FAR1: variants seen among roughly 807,000 people sequenced by gnomAD.
FAR1 encodes fatty acyl-CoA reductase 1.
Under a neutral mutation model 61.1 loss-of-function variants are expected in FAR1, and 22 were observed. The ratio of observed to expected loss-of-function variants is 0.36; its 90% CI spans 0.26 to 0.51. The LOEUF is 0.51. FAR1 is among the 20% of genes least tolerant of loss of function. FAR1 has a pLI of 0.95. For synonymous variants in FAR1, 206 were observed against 209.7 expected (o/e 0.98, Z 0.15); for missense variants, 359 against 626.9 (o/e 0.57, Z 4.56).
chr11:13,676,888 G>A (rs933340287), intron 1 of FAR1, among the ~76,000 whole-genome samples: 4 of 152,160 alleles, frequency 2.6e-5, no homozygotes, highest in African/African-American at 9.7e-5. Context: ...CCAATACATA[G>A]TAGTAAAAAT....
rs1848210989 is a variant in FAR1, at chr11:13,688,198, T to C, written c.-7-6561T>C. On this transcript the variant is annotated intron_variant, in intron 1 of 11. Coordinates refer to ENST00000354817, the MANE Select transcript of FAR1 (RefSeq NM_032228.6). ...GCAGCAAAAAAAAATATATATTTAG[T>C]GCTTGTGAAGTTTTTGGTGGCATTA... Among the ~76,000 whole-genome samples the C allele has an allele frequency of 1.3e-5, 2 of 151,930 alleles. 1 individual carries two copies. Among genetic ancestry groups the C allele is most frequent in the South Asian group, 4.2e-4 (2 of 4,816 alleles).
At chr11:13,678,909 G>C (rs544538945) in intron 1 of FAR1, among the ~76,000 whole-genome samples, 33 of 152,236 alleles carry the variant, frequency 2.2e-4, no homozygotes, top group African/African-American at 7.7e-4. Context: ...ATAAGAAAGT[G>C]ACACAAGAAA....
chr11:13,710,083 TTTG>T, intron 4 of FAR1, among the ~76,000 whole-genome samples: 1 of 152,214 alleles, frequency 6.6e-6, no homozygotes, highest in East Asian at 1.9e-4. Flanking sequence ...CATCATAGCA[TTTG>T]TTAATCTCAT....
intron 1 of FAR1, among the ~76,000 whole-genome samples, chr11:13,688,390 C>T (rs968146385): frequency 3.3e-5 from 5 of 152,080 alleles, no homozygotes; most frequent in Admixed American, 3.3e-4. Context: ...TTAAGCCTAA[C>T]AGAATATTTA....
intron 2 of FAR1, among the ~76,000 whole-genome samples, chr11:13,699,598 T>C (rs1848347784): frequency 6.6e-6 from 1 of 152,200 alleles, no homozygotes; most frequent in African/African-American, 2.4e-5. Flanking sequence ...AGTGTTTCTC[T>C]GTCAAATCTG....
intron 3 of FAR1, among the ~76,000 whole-genome samples, chr11:13,702,331 A>G (rs1310629433): frequency 1.3e-5 from 2 of 152,140 alleles, no homozygotes; most frequent in Non-Finnish European, 2.9e-5. Flanking sequence ...TTTTTCTACT[A>G]TGAACATGTG....
chr11:13,699,471 G>A (rs776731861), intron 2 of FAR1, among the ~76,000 whole-genome samples: 2 of 152,200 alleles, frequency 1.3e-5, no homozygotes, highest in Non-Finnish European at 2.9e-5. Context: ...ATGTGGAAGT[G>A]AGCACTGATA....
chr11:13,673,695 C>G (rs1848035217), intron 1 of FAR1, among the ~76,000 whole-genome samples: 1 of 152,158 alleles, frequency 6.6e-6, no homozygotes, highest in Non-Finnish European at 1.5e-5. Flanking sequence ...CTTATATTTT[C>G]TTGCTTTAGA....
At chr11:13,694,653 CT>C (rs1482789294) in intron 1 of FAR1, 105 bp from the exon 2 acceptor site, 29 of 974,508 alleles carry the variant, frequency 3.0e-5, no homozygotes, top group Non-Finnish European at 4.2e-5. Flanking sequence ...TCTATTTTGA[CT>C]TTTGTCTGCT....
rs1032301996 is a variant in FAR1, at chr11:13,729,003, A to C, written c.*229A>C. On this transcript the variant is annotated 3_prime_UTR_variant, in exon 12 of 12. Coordinates refer to ENST00000354817, the MANE Select transcript of FAR1 (RefSeq NM_032228.6). ...ATCTACAGTAGCCACCAAAACCATG[A>C]CTTAATATTTTGAGCCCTAGAAGAA... The C allele has an allele frequency of 2.7e-6, 1 of 375,316 alleles. No homozygotes were observed. Among genetic ancestry groups the C allele is most frequent in the Non-Finnish European group, 4.9e-6 (1 of 204,502 alleles). 23.2% of individuals were successfully genotyped at this position (375,316 alleles called of 1,614,324 possible).
rs112837375 is a variant in FAR1 at position 13,728,491 on chromosome 11, A to G, written c.1386-121A>G. ...ACCTACAGTATACTTAATGCCTATCATAAGTTTCAAATTAATATGGATTTG... is the reference window on the plus strand; with the variant it reads ...ACCTACAGTATACTTAATGCCTATCGTAAGTTTCAAATTAATATGGATTTG... On this transcript the variant is annotated intron_variant, in intron 11 of 11. Coordinates refer to ENST00000354817, the MANE Select transcript of FAR1 (RefSeq NM_032228.6). 7 of 888,620 alleles carry G rather than the reference A, an allele frequency of 7.9e-6. No homozygotes were observed. In the African/African-American group the frequency reaches 8.4e-5, roughly 11 times the overall value. 55.0% of individuals were successfully genotyped at this position (888,620 alleles called of 1,614,324 possible).
Position 13,728,933 on chromosome 11 carries a change from T to A in FAR1, c.*159T>A. Reference sequence around the variant, plus strand: ...ATATTTTATGTAACATTTTAATGTTTATGCTCATAAAACTTAGTGAACACA... The same window carrying A: ...ATATTTTATGTAACATTTTAATGTTAATGCTCATAAAACTTAGTGAACACA... On this transcript the variant is annotated 3_prime_UTR_variant, in exon 12 of 12. Coordinates refer to ENST00000354817, the MANE Select transcript of FAR1 (RefSeq NM_032228.6). The A allele has an allele frequency of 1.5e-6, 1 of 653,762 alleles. No individual in the cohort carries two copies. The highest frequency in any genetic ancestry group is 2.5e-6 in the Non-Finnish European group (1 of 400,196). 40.5% of individuals were successfully genotyped at this position (653,762 alleles called of 1,614,324 possible). A position where few individuals can be genotyped will look rare whatever the true frequency, so the allele number is the denominator to read the frequency against.
At position 13,704,276 on chromosome 11, in the gene FAR1, T is replaced by A. The variant is rs185060401; in HGVS notation, c.366-3624T>A. 1.4e-3 allele frequency among the ~76,000 whole-genome samples: 220 copies of A among 152,040 alleles called. 1 individual carries two copies. Among genetic ancestry groups the A allele is most frequent in the African/African-American group, 5.1e-3 (212 of 41,472 alleles). On this transcript the variant is annotated intron_variant, in intron 3 of 11. Transcript: ENST00000354817. ...CTGAAGGGAGAGATGGATGGACAGATGGTGTGGTTTGCGGAAAATTCATAG... is the reference window on the plus strand; with the variant it reads ...CTGAAGGGAGAGATGGATGGACAGAAGGTGTGGTTTGCGGAAAATTCATAG...
intron 10 of FAR1, chr11:13,723,466 T>C (rs1026320069): frequency 2.0e-4 from 73 of 372,726 alleles, no homozygotes; most frequent in African/African-American, 1.5e-3. Context: ...CCTTTATAGG[T>C]GATATGTTAT....
chr11:13,720,057 GATAA>G (rs1848594220), intron 9 of FAR1: 1 of 152,098 alleles, frequency 6.6e-6, no homozygotes, highest in Admixed American at 6.6e-5. Context: ...TTTGTTGCAT[GATAA>G]ATATTCTATA....
chr11:13,728,434 A>C (rs1161168248), intron 11 of FAR1, among the ~76,000 whole-genome samples, 178 bp from the exon 12 acceptor site: 4 of 151,932 alleles, frequency 2.6e-5, no homozygotes, highest in Non-Finnish European at 5.9e-5. Flanking sequence ...TTAGATGGGA[A>C]GCTCTAGAAA....
Position 13,730,228 on chromosome 11 carries a change from ACTTT to A in FAR1, c.*1459_*1462del, listed in dbSNP as rs77974230. 0.16 allele frequency: 24,072 copies of A among 152,284 alleles called. 2,037 individuals carry two copies. The highest frequency in any genetic ancestry group is 0.24 in the South Asian group (1,155 of 4,818). 9.4% of individuals were successfully genotyped at this position (152,284 alleles called of 1,614,324 possible). A position where few individuals can be genotyped will look rare whatever the true frequency, so the allele number is the denominator to read the frequency against. On this transcript the variant is annotated 3_prime_UTR_variant, in exon 12 of 12. Coordinates refer to ENST00000354817, the MANE Select transcript of FAR1 (RefSeq NM_032228.6). ...AAGTTACATGGAGCTTTACATCTTA[ACTTT>A]CTTTGTCAATTTAAATGCAATGTAT...
chr11:13,682,379 G>C (rs534637754), intron 1 of FAR1, among the ~76,000 whole-genome samples: 1 of 152,234 alleles, frequency 6.6e-6, no homozygotes, highest in Non-Finnish European at 1.5e-5. Context: ...GCAAACTATG[G>C]CCTGCAAACT....
intron 1 of FAR1, chr11:13,670,003 A>G (rs1847978735): frequency 6.6e-6 from 1 of 152,248 alleles, no homozygotes. Flanking sequence ...AAATGATGCA[A>G]GATCTCTTAC....
Sources: allele counts gnomAD v4.1 joint callset (sites outside exome capture counted in the v4.1 genomes callset), GRCh38; gene constraint gnomAD v4.1.1; transcripts MANE v1.5; gene names NCBI Gene and HGNC (gene_info 2026-07-23, HGNC 2026-07-21).